The following RANBP2 variants were observed in gnomAD, a reference collection of about 807,000 sequenced individuals.
RANBP2 encodes RAN binding protein 2, also known as E3 SUMO-protein ligase RanBP2.
Under a neutral mutation model 303.6 loss-of-function variants are expected in RANBP2, and 57 were observed. That is an observed-to-expected ratio of 0.19 (90% CI 0.15 to 0.23). The LOEUF (loss-of-function observed/expected upper bound fraction) is 0.23, where lower values mean the gene tolerates loss of function less well. Ranked by LOEUF, RANBP2 falls within the 10% of genes least tolerant of loss-of-function variation. RANBP2 has a pLI of 1.00. For synonymous variants in RANBP2, 1,167 were observed against 1,301.5 expected (o/e 0.90, Z 2.23); for missense variants, 3,138 against 3,780.8 (o/e 0.83, Z 4.46).
chr2:109,023,823 A>AAAAC, the RANBP2 span, among the ~76,000 whole-genome samples: 4 of 152,100 alleles, frequency 2.6e-5, no homozygotes, highest in Non-Finnish European at 4.4e-5. Flanking sequence ...CAAACAAACA[A>AAAAC]AAACAAACAA....
At chr2:109,389,250 G>A in the RANBP2 span, among the ~76,000 whole-genome samples, 11 of 151,726 alleles carry the variant, frequency 7.2e-5, no homozygotes, top group African/African-American at 2.2e-4. Context: ...AGAGGGGCAA[G>A]CGTGGGCCAG....
the RANBP2 span, among the ~76,000 whole-genome samples, chr2:108,939,365 G>T: frequency 0.68 from 103,195 of 151,748 alleles, 37,697 homozygotes; most frequent in Non-Finnish European, 0.82. Context: ...TTTTGTATTT[G>T]TAGTAGAGAT....
chr2:108,849,982 A>G, the RANBP2 span, among the ~76,000 whole-genome samples: 1 of 152,236 alleles, frequency 6.6e-6, no homozygotes, highest in South Asian at 2.1e-4. Flanking sequence ...AACAGGATGC[A>G]TGGGCCAGTG....
At chr2:108,864,231 A>C in the RANBP2 span, among the ~76,000 whole-genome samples, 1 of 152,252 alleles carries the variant, frequency 6.6e-6, no homozygotes, top group Non-Finnish European at 1.5e-5. Flanking sequence ...GTGGTAGAAG[A>C]AGCTAAGAAA....
the RANBP2 span, among the ~76,000 whole-genome samples, chr2:109,027,820 C>A: frequency 6.6e-6 from 1 of 152,192 alleles, no homozygotes; most frequent in Non-Finnish European, 1.5e-5. Flanking sequence ...CGTCTTCCTT[C>A]TCCCTGCAGG....
chr2:109,609,723 GA>G, the RANBP2 span, among the ~76,000 whole-genome samples: 1 of 151,564 alleles, frequency 6.6e-6, no homozygotes, highest in Non-Finnish European at 1.5e-5. Context: ...CCTCACTGAA[GA>G]AAAACTGAGA....
At chr2:109,614,148 C>A in the RANBP2 span, 1 of 1,198,846 alleles carries the variant, frequency 8.3e-7, no homozygotes, top group East Asian at 3.5e-5. Flanking sequence ...GAAGACGGCG[C>A]GAGGAATGCA....
At chr2:108,815,461 G>GTTTTTTTTTTTTTTTTT in the RANBP2 span, among the ~76,000 whole-genome samples, 1 of 70,700 alleles carries the variant, frequency 1.4e-5, no homozygotes, top group Non-Finnish European at 2.5e-5. Flanking sequence ...GGTTTTTGGT[G>GTTTTTTTTTTTTTTTTT]TTTTTTTTTT....
chr2:108,785,940 C>T (rs1044399563), downstream of RANBP2: 7 of 152,024 alleles, frequency 4.6e-5, no homozygotes, highest in African/African-American at 1.7e-4. Context: ...GTTGTTAGTC[C>T]AGAGATGCAG....
At chr2:109,240,113 C>A in the RANBP2 span, among the ~76,000 whole-genome samples, 1 of 152,164 alleles carries the variant, frequency 6.6e-6, no homozygotes, top group East Asian at 1.9e-4. Flanking sequence ...GTGAACCACA[C>A]CTGGGGATTC....
the RANBP2 span, among the ~76,000 whole-genome samples, chr2:109,000,692 A>AT: frequency 6.6e-6 from 1 of 152,194 alleles, no homozygotes; most frequent in Admixed American, 6.5e-5. Flanking sequence ...ACAACATATA[A>AT]TAAGAAATAA....
the RANBP2 span, among the ~76,000 whole-genome samples, chr2:109,174,740 G>A: frequency 6.6e-6 from 1 of 152,226 alleles, no homozygotes; most frequent in Non-Finnish European, 1.5e-5. Flanking sequence ...GTCTTTGGAG[G>A]AAAAGTTGGA....
the RANBP2 span, among the ~76,000 whole-genome samples, chr2:109,343,680 A>T: frequency 3.3e-5 from 5 of 151,092 alleles, no homozygotes; most frequent in African/African-American, 1.2e-4. Flanking sequence ...CCACCTGTGG[A>T]GAGGTGGCCA....
At chr2:108,829,791 A>G in the RANBP2 span, among the ~76,000 whole-genome samples, 2 of 152,322 alleles carry the variant, frequency 1.3e-5, no homozygotes, top group East Asian at 3.9e-4. Context: ...AAGTGTTGGC[A>G]AGGATGTCAG....
chr2:108,922,863 A>T, the RANBP2 span, among the ~76,000 whole-genome samples: 1 of 152,202 alleles, frequency 6.6e-6, no homozygotes, highest in Admixed American at 6.5e-5. Flanking sequence ...AAAGGATAAC[A>T]GGAAAGAAAC....
At position 108,782,522 on chromosome 2, in the gene RANBP2, T is replaced by C; in HGVS notation, c.9035-6T>C. 1 of 1,614,102 alleles carries C rather than the reference T, an allele frequency of 6.2e-7. No homozygotes were observed. Among genetic ancestry groups the C allele is most frequent in the Non-Finnish European group, 8.5e-7 (1 of 1,179,958 alleles). ...GGTCACTGCTTCCCCTTTCCCTCCC[T>C]GCCAGATGGAGAAGCAAAAGTAGAA... On this transcript the variant is annotated splice_region_variant and splice_polypyrimidine_tract_variant and intron_variant, in intron 27 of 28. Transcript: ENST00000283195.
At chr2:109,404,893 A>C in the RANBP2 span, among the ~76,000 whole-genome samples, 1 of 152,104 alleles carries the variant, frequency 6.6e-6, no homozygotes, top group South Asian at 2.1e-4. Flanking sequence ...GACGCTGTGG[A>C]CAGCACCCCT....
At chr2:109,496,063 T>C in the RANBP2 span, among the ~76,000 whole-genome samples, 1 of 152,194 alleles carries the variant, frequency 6.6e-6, no homozygotes, top group African/African-American at 2.4e-5. Context: ...CGGGTTGCCC[T>C]GGGGTGGCCA....
the RANBP2 span, among the ~76,000 whole-genome samples, chr2:109,474,479 A>C: frequency 6.6e-6 from 1 of 152,280 alleles, no homozygotes; most frequent in Admixed American, 6.5e-5. Context: ...AGAGCAGGCC[A>C]TGATCCCTGG....
Sources: gnomAD v4.1 joint callset for allele counts (sites outside exome capture counted in the v4.1 genomes callset) on GRCh38, gnomAD v4.1.1 for gene constraint, MANE v1.5 for transcripts, NCBI Gene and HGNC (gene_info 2026-07-23, HGNC 2026-07-21) for gene names.